Variants in CNOT3 observed in about 807,000 individuals in gnomAD.
The protein encoded by CNOT3 is CCR4-NOT transcription complex subunit 3, also known as CCR4-associated factor 3.
Under a neutral mutation model 89.4 loss-of-function variants are expected in CNOT3, and 2 were observed. That is an observed-to-expected ratio of 0.02 (90% CI 0.01 to 0.07). The LOEUF (loss-of-function observed/expected upper bound fraction) is 0.07. CNOT3 is among the 10% of genes least tolerant of loss of function. The probability of loss-of-function intolerance (pLI) is 1.00; values close to 1 mark genes in which losing one functional copy is unlikely to be tolerated. For synonymous variants in CNOT3, 486 were observed against 402.0 expected (o/e 1.21, Z -2.50); for missense variants, 664 against 1,010.2 (o/e 0.66, Z 4.65).
Position 54,152,919 on chromosome 19 carries a change from C to A in CNOT3, c.1957C>A (p.Pro653Thr). 6.3e-7 allele frequency: 1 copy of A among 1,597,656 alleles called. No homozygotes were observed. The highest frequency in any genetic ancestry group is 8.6e-7 in the Non-Finnish European group (1 of 1,169,470). Residue 653 changes from proline (P) to threonine (T), a missense_variant, in exon 16 of 18, where the codon CCA (proline) becomes ACA (threonine). This residue lies in a region of CNOT3 where 545 missense variants were observed against 566.2 expected (regional missense o/e 0.96). Transcript: ENST00000221232. ...GACGCCCCCCTACCACCACCAGATG[C>A]CACCCCCACACTCGGACACTGTGGA... ...CPTPPYHHQMPPPHSDTVEFY... is the reference protein window; with the variant it reads ...CPTPPYHHQMTPPHSDTVEFY...
chr19:54,141,726 A>G (rs2074457002), intron 1 of CNOT3: 1 of 152,162 alleles, frequency 6.6e-6, no homozygotes, highest in Non-Finnish European at 1.5e-5. Flanking sequence ...CTGTCTTTAC[A>G]GTAAGTGACT....
In CNOT3 at chr19:54,148,677, G is replaced by A; in HGVS notation, c.1340G>A (p.Gly447Asp). The A allele has an allele frequency of 6.2e-7, 1 of 1,611,038 alleles. No homozygotes were observed. The highest frequency in any genetic ancestry group is 8.5e-7 in the Non-Finnish European group (1 of 1,178,716). The change falls in exon 12 of 18, where the codon GGC (glycine) becomes GAC (aspartate). Residue 447 changes from glycine (G) to aspartate (D), a missense_variant. Around this residue, in one of 8 missense-constraint regions of CNOT3, gnomAD observed 545 missense variants for 566.2 expected, o/e 0.96. Coordinates refer to ENST00000221232, the MANE Select transcript of CNOT3 (RefSeq NM_014516.4). This position sits in a 1 kb window ranked among gnomAD's most constrained non-coding sequence, Gnocchi z 6.3. ...GAGGTGGCTTTGAGCAGCAGTGGGG[G>A]CAACAATGCCAGCAGCCAGGCCTTG... ...PAEVALSSSG[G>D]NNASSQALGP...
chr19:54,150,049 C>A (rs1283102205), intron 13 of CNOT3, among the ~76,000 whole-genome samples: 1 of 152,118 alleles, frequency 6.6e-6, no homozygotes, highest in Non-Finnish European at 1.5e-5. Context: ...GGGTCTCCAT[C>A]TTCATCCCCC....
Position 54,142,970 on chromosome 19 carries a change from G to A in CNOT3, c.-9G>A. On this transcript the variant is annotated 5_prime_UTR_variant, in exon 2 of 18. Transcript: ENST00000221232. ...AGTATGAAGAGAGTGCGTCTGTAGG[G>A]CAGGGAAGATGGCGGACAAGCGCAA... 1 of 1,613,902 alleles carries A rather than the reference G, an allele frequency of 6.2e-7. No homozygotes were observed. The highest frequency in any genetic ancestry group is 2.2e-5 in the East Asian group (1 of 44,886).
At position 54,143,430 on chromosome 19, in the gene CNOT3, T is replaced by C; in HGVS notation, c.94-12T>C. ...CTCCCACACTGACTTCTCAATTCTC[T>C]CCATCCCTCAGCTCCACAATGCAGC... On this transcript the variant is annotated splice_polypyrimidine_tract_variant and intron_variant, in intron 3 of 17. Coordinates refer to ENST00000221232, the MANE Select transcript of CNOT3 (RefSeq NM_014516.4). 1 of 1,613,566 alleles carries C rather than the reference T, an allele frequency of 6.2e-7. No individual in the cohort carries two copies.
At chr19:54,142,689 C>T in intron 1 of CNOT3, 1 of 581,566 alleles carries the variant, frequency 1.7e-6, no homozygotes, top group Non-Finnish European at 3.1e-6. Flanking sequence ...GAGTCAGAGG[C>T]ACACAAAAAA....
At position 54,152,218 on chromosome 19, in the gene CNOT3, C is replaced by T; in HGVS notation, c.1606-8C>T. ...GTGCTCAGGCCAGGCCTCTTGTTTC[C>T]TCCCCAGGCCCCTGAGCCTCTGAGC... On this transcript the variant is annotated splice_region_variant and splice_polypyrimidine_tract_variant and intron_variant, in intron 13 of 17. Transcript: ENST00000221232. 6.2e-7 allele frequency: 1 copy of T among 1,613,998 alleles called. No individual in the cohort carries two copies. Among genetic ancestry groups the T allele is most frequent in the Non-Finnish European group, 8.5e-7 (1 of 1,179,952 alleles).
rs1400917259 is a variant in CNOT3, at chr19:54,145,216, G to T, written c.484-382G>T. 6.6e-5 allele frequency among the ~76,000 whole-genome samples: 10 copies of T among 152,168 alleles called. No homozygotes were observed. Among genetic ancestry groups the T allele is most frequent in the Admixed American group, 5.9e-4 (9 of 15,284 alleles). ...TCATTGTTACTGCTGGAGCAGGTCG[G>T]AGGGTATCTGTATGCCAGAGGCAGT... On this transcript the variant is annotated intron_variant, in intron 7 of 17. Transcript: ENST00000221232. The surrounding 1 kb of genome is among the most constrained non-coding windows in gnomAD (Gnocchi z 5.9).
intron 16 of CNOT3, chr19:54,153,411 T>C (rs1249941094): frequency 2.6e-6 from 2 of 769,898 alleles, no homozygotes; most frequent in Non-Finnish European, 2.4e-6. Context: ...ATGAGTGACC[T>C]CCACCCTCAT....
intron 1 of CNOT3, chr19:54,142,590 T>G: frequency 2.7e-6 from 1 of 368,434 alleles, no homozygotes; most frequent in Admixed American, 3.9e-5. Flanking sequence ...TCATCAGCTG[T>G]GTGCAGCATG....
chr19:54,154,989 C>G (rs565552164), intron 17 of CNOT3: 1 of 438,880 alleles, frequency 2.3e-6, no homozygotes, highest in Non-Finnish European at 4.1e-6. Flanking sequence ...CCTGTACTCA[C>G]GTGAGAGGTG....
intron 13 of CNOT3, among the ~76,000 whole-genome samples, chr19:54,151,947 G>A (rs145943472): frequency 2.6e-5 from 4 of 152,202 alleles, no homozygotes; most frequent in African/African-American, 4.8e-5. Context: ...GTTTACTTCT[G>A]TAGTATGTCA....
At chr19:54,141,416 G>C (rs1471663371) in intron 1 of CNOT3, 1 of 152,198 alleles carries the variant, frequency 6.6e-6, no homozygotes, top group Non-Finnish European at 1.5e-5. Context: ...TGGGGGTAAG[G>C]TACCAGCCCT....
chr19:54,155,574 G>A lies in CNOT3; in HGVS notation c.*167G>A. On this transcript the variant is annotated 3_prime_UTR_variant, in exon 18 of 18. Transcript: ENST00000221232. ...GGTTTTCCTCTCAGCCCCACCCTGG[G>A]GGCCCGGGGGCGAGGGCTGCCCCCT... The A allele has an allele frequency of 1.0e-6, 1 of 988,006 alleles. No individual in the cohort carries two copies. The highest frequency in any genetic ancestry group is 1.7e-5 in the South Asian group (1 of 59,574). 61.2% of individuals were successfully genotyped at this position (988,006 alleles called of 1,614,324 possible).
chr19:54,154,321 C>T (rs2075304429), intron 17 of CNOT3: 1 of 307,762 alleles, frequency 3.2e-6, no homozygotes, highest in South Asian at 2.8e-5. Flanking sequence ...ATTCCTGCTG[C>T]TTGCAAACAC....
chr19:54,153,430 G>A (rs761070469), intron 16 of CNOT3: 1 of 772,314 alleles, frequency 1.3e-6, no homozygotes, highest in South Asian at 1.4e-5. Context: ...ATCCCCACTT[G>A]GGAAATTTTC....
At chr19:54,146,684 C>T (rs370320885) in intron 10 of CNOT3, 27 bp downstream of exon 10, 3 of 1,261,662 alleles carry the variant, frequency 2.4e-6, no homozygotes, top group Non-Finnish European at 2.3e-6. Context: ...ACCGGGTGGG[C>T]ACGCCATTCA....
At chr19:54,154,000 TG>T in intron 17 of CNOT3, 160 bp downstream of exon 17, 1 of 891,630 alleles carries the variant, frequency 1.1e-6, no homozygotes, top group East Asian at 2.6e-5. Context: ...CTGCTCAGCC[TG>T]GAACACCGCC....
At chr19:54,141,928 A>T (rs1401062164) in intron 1 of CNOT3, 2 of 152,048 alleles carry the variant, frequency 1.3e-5, no homozygotes, top group Admixed American at 1.3e-4. Flanking sequence ...GCCCTAAGGT[A>T]TGTCTTCCCT....
Sources: allele counts gnomAD v4.1 joint callset (sites outside exome capture counted in the v4.1 genomes callset), GRCh38; gene constraint gnomAD v4.1.1; regional missense constraint gnomAD v4.1.1; non-coding constraint Gnocchi (gnomAD v3.1); transcripts MANE v1.5; gene names NCBI Gene and HGNC (gene_info 2026-07-23, HGNC 2026-07-21).